Variants in GLIS3 observed in about 807,000 individuals in gnomAD.
GLIS3 encodes GLIS family zinc finger 3.
In GLIS3, 53 loss-of-function variants were observed where a neutral mutation model predicts 78.6. The observed-to-expected ratio is 0.67, with a 90% CI of 0.54 to 0.85. GLIS3 has a LOEUF of 0.85. GLIS3 is among the 40% of genes least tolerant of loss of function. The pLI, the probability that GLIS3 is intolerant of heterozygous loss-of-function variation, is 0.00. For missense variants in GLIS3, 1,703 were observed against 1,231.1 expected (o/e 1.38, Z -5.74); for synonymous variants, 684 against 509.9 (o/e 1.34, Z -4.60).
the GLIS3 span, among the ~76,000 whole-genome samples, chr9:4,419,102 A>C: frequency 7.1e-4 from 108 of 152,318 alleles, no homozygotes; most frequent in African/African-American, 2.3e-3. Context: ...ATTTTAAAAT[A>C]TCTCAGAATT....
At chr9:4,304,323 A>G (rs1232700112), upstream of GLIS3, among the ~76,000 whole-genome samples, 7 of 152,174 alleles carry the variant, frequency 4.6e-5, no homozygotes, top group African/African-American at 1.2e-4. Context: ...AATTTCCTAC[A>G]ATGTGATATG....
chr9:3,861,211 A>G (rs538789955), intron 8 of GLIS3, among the ~76,000 whole-genome samples: 1 of 152,320 alleles, frequency 6.6e-6, no homozygotes, highest in African/African-American at 2.4e-5. Flanking sequence ...TAGAACGTCT[A>G]TAGAGTTCTT....
the GLIS3 span, among the ~76,000 whole-genome samples, chr9:4,465,637 G>C: frequency 6.6e-6 from 1 of 152,086 alleles, no homozygotes; most frequent in African/African-American, 2.4e-5. Context: ...TGAGGGGATG[G>C]ATACCCCATT....
chr9:4,356,850 A>G, the GLIS3 span, among the ~76,000 whole-genome samples: 22 of 152,350 alleles, frequency 1.4e-4, no homozygotes, highest in East Asian at 2.1e-3. Context: ...AATGTTTGCA[A>G]GATTACACAT....
chr9:4,086,304 C>G (rs960347209), intron 4 of GLIS3, among the ~76,000 whole-genome samples: 2 of 152,214 alleles, frequency 1.3e-5, no homozygotes, highest in Non-Finnish European at 2.9e-5. Flanking sequence ...CCCAACCCCA[C>G]CCTGGGGCAA....
the GLIS3 span, among the ~76,000 whole-genome samples, chr9:4,468,495 A>G: frequency 1.3e-5 from 2 of 152,182 alleles, no homozygotes; most frequent in East Asian, 1.9e-4. Context: ...ATTCTTAAAG[A>G]AAAGAATTTT....
At chr9:4,220,846 A>C in intron 2 of GLIS3, among the ~76,000 whole-genome samples, 1 of 152,306 alleles carries the variant, frequency 6.6e-6, no homozygotes, top group Non-Finnish European at 1.5e-5. Context: ...TTAACCAGGC[A>C]TGGAGGTATG....
intron 5 of GLIS3, among the ~76,000 whole-genome samples, chr9:3,935,405 T>A (rs1665745975): frequency 6.6e-6 from 1 of 152,156 alleles, no homozygotes. Flanking sequence ...AACCACTATA[T>A]TAGGTAGCCT....
At chr9:4,474,649 AT>A in the GLIS3 span, among the ~76,000 whole-genome samples, 19 of 151,060 alleles carry the variant, frequency 1.3e-4, no homozygotes, top group African/African-American at 3.4e-4. Flanking sequence ...GCAAATATTT[AT>A]TTTTTTTATT....
At chr9:4,041,919 T>C (rs1824843923) in intron 4 of GLIS3, among the ~76,000 whole-genome samples, 1 of 152,168 alleles carries the variant, frequency 6.6e-6, no homozygotes, top group African/African-American at 2.4e-5. Context: ...GCCCAAACCT[T>C]GATATGACTC....
intron 4 of GLIS3, among the ~76,000 whole-genome samples, chr9:4,066,977 C>G (rs1029547547): frequency 6.6e-6 from 1 of 152,164 alleles, no homozygotes; most frequent in Non-Finnish European, 1.5e-5. Context: ...AACTCACAAA[C>G]CTGTCCACCA....
chr9:4,060,098 T>C (rs2130553225), intron 4 of GLIS3, among the ~76,000 whole-genome samples: 1 of 152,148 alleles, frequency 6.6e-6, no homozygotes, highest in Admixed American at 6.5e-5. Flanking sequence ...TTGGTAGCCC[T>C]GGTAGCGCAT....
intron 2 of GLIS3, among the ~76,000 whole-genome samples, chr9:4,281,368 C>A (rs147283861): frequency 8.2e-4 from 116 of 140,926 alleles, no homozygotes; most frequent in African/African-American, 2.8e-3. Context: ...GCAACCATCA[C>A]CATTACCCAT....
chr9:4,448,326 G>C, the GLIS3 span, among the ~76,000 whole-genome samples: 2 of 152,266 alleles, frequency 1.3e-5, no homozygotes, highest in South Asian at 2.1e-4. Context: ...CACACAAGTA[G>C]AGTTACCCAG....
At chr9:4,004,230 T>C (rs189066489) in intron 4 of GLIS3, among the ~76,000 whole-genome samples, 51 of 152,338 alleles carry the variant, frequency 3.3e-4, no homozygotes, top group Admixed American at 2.9e-3. Context: ...CAACTCCTTT[T>C]TATCAGTTGA....
intron 9 of GLIS3, among the ~76,000 whole-genome samples, chr9:3,840,655 C>G (rs573009585): frequency 7.9e-5 from 12 of 152,328 alleles, no homozygotes; most frequent in African/African-American, 2.9e-4. Context: ...GAACCCATGA[C>G]AGTGGTTCAA....
chr9:4,385,229 G>C, the GLIS3 span, among the ~76,000 whole-genome samples: 3 of 152,128 alleles, frequency 2.0e-5, no homozygotes, highest in East Asian at 5.8e-4. Flanking sequence ...TTTCTTCGTG[G>C]ATTCCCTCTG....
chr9:3,984,007 G>A (rs1047814679), intron 4 of GLIS3, among the ~76,000 whole-genome samples: 2 of 152,260 alleles, frequency 1.3e-5, no homozygotes, highest in Non-Finnish European at 2.9e-5. Context: ...CTTCATGGCA[G>A]CTTCTCCTAT....
intron 1 of GLIS3, among the ~76,000 whole-genome samples, chr9:4,290,790 A>C (rs1815890357): frequency 6.6e-6 from 1 of 152,134 alleles, no homozygotes; most frequent in Admixed American, 6.5e-5. Flanking sequence ...CCAATAAATC[A>C]AAATTATTCT....
Sources: allele counts gnomAD v4.1 joint callset (sites outside exome capture counted in the v4.1 genomes callset), GRCh38; gene constraint gnomAD v4.1.1; transcripts MANE v1.5; gene names NCBI Gene and HGNC (gene_info 2026-07-23, HGNC 2026-07-21).